The following FUT9 variants were observed in gnomAD, a reference collection of about 807,000 sequenced individuals.
FUT9 encodes fucosyltransferase 9, also known as 4-galactosyl-N-acetylglucosaminide 3-alpha-L-fucosyltransferase 9.
A neutral mutation model predicts 29.7 loss-of-function variants in FUT9; 15 were observed. That is an observed-to-expected ratio of 0.51 (90% CI 0.34 to 0.78). The LOEUF (loss-of-function observed/expected upper bound fraction) is 0.78. Among genes scored for constraint, FUT9 ranks in the 30% least tolerant of loss-of-function variants. The probability of loss-of-function intolerance (pLI) is 0.01; values close to 1 mark genes in which losing one functional copy is unlikely to be tolerated. For synonymous variants in FUT9, 169 were observed against 153.7 expected, an observed-to-expected ratio of 1.10 and a Z score of -0.74; for missense variants, 319 against 425.4, an observed-to-expected ratio of 0.75 and a Z score of 2.20.
In FUT9 at chr6:96,204,986, A is replaced by G. The variant is rs1484550929; in HGVS notation, c.*751A>G. 1 of 163,494 alleles carries G rather than the reference A, an allele frequency of 6.1e-6. No individual in the cohort carries two copies. The highest frequency in any genetic ancestry group is 1.5e-5 in the Non-Finnish European group (1 of 68,074). The allele number at this position is 163,494 out of a possible 1,614,324, so 10.1% of individuals were successfully genotyped here. On this transcript the variant is annotated 3_prime_UTR_variant, in exon 3 of 3. Coordinates refer to ENST00000302103, the MANE Select transcript of FUT9 (RefSeq NM_006581.4). ...ATCCCAATAATACTTTAGAAAATCT[A>G]AGACAGTTCTTTCTGCTACTGATGA...
chr6:96,028,319 A>T (rs1469958368), intron 1 of FUT9, among the ~76,000 whole-genome samples: 2 of 151,576 alleles, frequency 1.3e-5, no homozygotes, highest in Non-Finnish European at 3.0e-5. Flanking sequence ...CTGTTTATTG[A>T]GTTAACTGTT....
chr6:96,171,676 A>G (rs1012417214), intron 2 of FUT9, among the ~76,000 whole-genome samples: 3 of 152,112 alleles, frequency 2.0e-5, no homozygotes, highest in East Asian at 3.9e-4. Context: ...GATATCTTTA[A>G]CCTAAAGTAT....
intron 2 of FUT9, among the ~76,000 whole-genome samples, chr6:96,183,996 T>C (rs2127986713): frequency 6.6e-6 from 1 of 152,228 alleles, no homozygotes; most frequent in Non-Finnish European, 1.5e-5. Flanking sequence ...CTCTATCTTG[T>C]GGAATAGTCT....
intron 2 of FUT9, among the ~76,000 whole-genome samples, chr6:96,126,248 T>C (rs1772131590): frequency 6.6e-6 from 1 of 152,166 alleles, no homozygotes; most frequent in Non-Finnish European, 1.5e-5. Context: ...CTGCTCAGCT[T>C]CTGGTGAGGT....
At chr6:96,058,974 A>C (rs919746644) in intron 1 of FUT9, among the ~76,000 whole-genome samples, 3 of 152,210 alleles carry the variant, frequency 2.0e-5, no homozygotes, top group Non-Finnish European at 4.4e-5. Context: ...GAAAAACAGT[A>C]ATGGCAGTTG....
chr6:96,162,868 C>G (rs972381505), intron 2 of FUT9, among the ~76,000 whole-genome samples: 1 of 152,160 alleles, frequency 6.6e-6, no homozygotes, highest in Admixed American at 6.5e-5. Context: ...ATTCTTTAAT[C>G]TTATGATTAG....
chr6:96,094,844 ATTG>A (rs1286080543), intron 1 of FUT9, among the ~76,000 whole-genome samples: 1 of 151,684 alleles, frequency 6.6e-6, no homozygotes, highest in African/African-American at 2.4e-5. Context: ...TGTTGTTGTC[ATTG>A]TTGTTGTTAT....
chr6:96,026,529 A>T (rs1770171340), intron 1 of FUT9, among the ~76,000 whole-genome samples: 1 of 151,848 alleles, frequency 6.6e-6, no homozygotes, highest in Admixed American at 6.6e-5. Context: ...TTGTGTAATT[A>T]TAATGTATTG....
intron 1 of FUT9, among the ~76,000 whole-genome samples, chr6:96,105,157 T>G (rs1771654926): frequency 6.6e-6 from 1 of 152,238 alleles, no homozygotes; most frequent in African/African-American, 2.4e-5. Flanking sequence ...AAATCTGTTT[T>G]AAAACAAAAT....
chr6:96,081,021 T>G lies in FUT9; in HGVS notation c.-97-33018T>G, dbSNP rs963896230. The stretch of plus-strand genomic sequence containing the variant: ...ACACATCATAAAATCTTACCAGCAA[T>G]AACACCAAAAATTGTTTGAAATCTG... On this transcript the variant is annotated intron_variant, in intron 1 of 2. Transcript: ENST00000302103. Among the ~76,000 whole-genome samples the G allele has an allele frequency of 2.6e-5, 4 of 152,050 alleles. No individual in the cohort carries two copies. The East Asian group carries it at 7.7e-4, about 29-fold the overall frequency.
At chr6:96,064,983 T>TA (rs1234939782) in intron 1 of FUT9, among the ~76,000 whole-genome samples, 2 of 152,168 alleles carry the variant, frequency 1.3e-5, no homozygotes, top group African/African-American at 4.8e-5. Flanking sequence ...CTCTAAACAG[T>TA]AAAAATGAAA....
chr6:96,160,970 T>A (rs1772889461), intron 2 of FUT9, among the ~76,000 whole-genome samples: 1 of 152,170 alleles, frequency 6.6e-6, no homozygotes, highest in Non-Finnish European at 1.5e-5. Context: ...AAACGTGAAT[T>A]GTAATTACTG....
At chr6:96,095,955 G>T (rs1562123028) in intron 1 of FUT9, among the ~76,000 whole-genome samples, 1 of 152,090 alleles carries the variant, frequency 6.6e-6, no homozygotes, top group Non-Finnish European at 1.5e-5. Context: ...TTTGTAAAGA[G>T]CATAATGTCC....
intron 1 of FUT9, among the ~76,000 whole-genome samples, chr6:96,064,560 ACTTTT>A (rs1312462149): frequency 6.6e-6 from 1 of 152,110 alleles, no homozygotes; most frequent in Non-Finnish European, 1.5e-5. Flanking sequence ...CTTGGAAGTA[ACTTTT>A]CTTTGGCTCC....
At chr6:96,155,534 G>A (rs573618772) in intron 2 of FUT9, among the ~76,000 whole-genome samples, 1 of 152,142 alleles carries the variant, frequency 6.6e-6, no homozygotes, top group African/African-American at 2.4e-5. Context: ...TTAGCTGGGC[G>A]TGGTGGCAGG....
At chr6:96,189,616 A>T (rs1773468894) in intron 2 of FUT9, among the ~76,000 whole-genome samples, 3 of 152,088 alleles carry the variant, frequency 2.0e-5, no homozygotes, top group Admixed American at 2.0e-4. Flanking sequence ...TGTATTTAGG[A>T]TAGTTAGCTC....
chr6:96,111,309 GA>G (rs1378584877), intron 1 of FUT9, among the ~76,000 whole-genome samples: 3 of 152,038 alleles, frequency 2.0e-5, no homozygotes, highest in African/African-American at 7.2e-5. Context: ...AAGACATGTA[GA>G]AAAGCAAAAG....
chr6:96,165,576 A>T (rs1773001326), intron 2 of FUT9, among the ~76,000 whole-genome samples: 1 of 151,696 alleles, frequency 6.6e-6, no homozygotes, highest in African/African-American at 2.4e-5. Context: ...TTCATAATAT[A>T]GCTAAAGCCA....
chr6:96,048,557 G>A (rs980708527), intron 1 of FUT9, among the ~76,000 whole-genome samples: 1 of 152,208 alleles, frequency 6.6e-6, no homozygotes, highest in Non-Finnish European at 1.5e-5. Context: ...TCCCATTCAT[G>A]AAGTTGGGGC....
Sources: allele counts gnomAD v4.1 joint callset (sites outside exome capture counted in the v4.1 genomes callset), GRCh38; gene constraint gnomAD v4.1.1; transcripts MANE v1.5; gene names NCBI Gene and HGNC (gene_info 2026-07-23, HGNC 2026-07-21).